The following FHL1 variants were observed in gnomAD, a reference collection of about 807,000 sequenced individuals.
FHL1 encodes four and a half LIM domains 1, also known as four and a half LIM domains protein 1.
In FHL1, 1 loss-of-function variant was observed where a neutral mutation model predicts 20.3. The ratio of observed to expected loss-of-function variants is 0.05; its 90% CI spans 0.02 to 0.23. The LOEUF (loss-of-function observed/expected upper bound fraction) is 0.23. Among genes scored for constraint, FHL1 ranks in the 10% least tolerant of loss-of-function variants. The probability of loss-of-function intolerance (pLI) is 1.00; values close to 1 mark genes in which losing one functional copy is unlikely to be tolerated. For synonymous variants in FHL1, 82 were observed against 88.9 expected (o/e 0.92, Z 0.44); for missense variants, 177 against 234.0 (o/e 0.76, Z 1.59).
In FHL1 at chrX:136,153,519, T is replaced by C. The variant is rs371953468; in HGVS notation, c.-101+5891T>C. 9.8e-5 allele frequency among the ~76,000 whole-genome samples: 11 copies of C among 112,123 alleles called. No individual in the cohort carries two copies. In the East Asian group the frequency reaches 1.7e-3, roughly 17 times the overall value. Reference sequence around the variant, plus strand: ...ATCAACCACTGTGTATAGACAGACATGCATGGTGGTACCATCTGATTTGTC... The same window carrying C: ...ATCAACCACTGTGTATAGACAGACACGCATGGTGGTACCATCTGATTTGTC... On this transcript the variant is annotated intron_variant, in intron 1 of 7. Coordinates refer to the FHL1 transcript ENST00000394155.
upstream of FHL1, among the ~76,000 whole-genome samples, chrX:136,168,852 G>T (rs2072781826): frequency 9.0e-6 from 1 of 111,566 alleles, no homozygotes; most frequent in African/African-American, 3.3e-5. Flanking sequence ...GCCTGGAAAT[G>T]GTTTGAGCAT....
At chrX:136,158,679 C>A (rs913297925) in intron 1 of FHL1, among the ~76,000 whole-genome samples, 1 of 111,404 alleles carries the variant, frequency 9.0e-6, no homozygotes, top group African/African-American at 3.3e-5. Context: ...TCGAGCTGTA[C>A]TGGAAATTGG....
At chrX:136,174,709 G>T (rs1195755922) in intron 2 of FHL1, among the ~76,000 whole-genome samples, 1 of 111,767 alleles carries the variant, frequency 8.9e-6, no homozygotes, top group East Asian at 2.8e-4. Flanking sequence ...TTTCAATACA[G>T]TATAGCACAT....
At chrX:136,168,753 A>G (rs1212995794), upstream of FHL1, among the ~76,000 whole-genome samples, 1 of 111,706 alleles carries the variant, frequency 9.0e-6, no homozygotes, top group Non-Finnish European at 1.9e-5. Flanking sequence ...AGATGAACTC[A>G]TTAGCCTAGT....
chrX:136,172,294 A>G lies in FHL1; in HGVS notation c.-27+2314A>G, dbSNP rs187247413. 3.6e-5 allele frequency among the ~76,000 whole-genome samples: 4 copies of G among 112,515 alleles called. 1 individual carries two copies. In the Admixed American group the frequency reaches 3.8e-4, roughly 11 times the overall value. On this transcript the variant is annotated intron_variant, in intron 2 of 6. Transcript: ENST00000394153. Reference sequence around the variant, plus strand: ...TTCTTTTATTCATTCATTCAGCCCTACTATGGGCCAGGGCAGGAATGTAGT... The same window carrying G: ...TTCTTTTATTCATTCATTCAGCCCTGCTATGGGCCAGGGCAGGAATGTAGT...
Position 136,210,933 on chromosome X carries a change from G to A in FHL1, c.*908G>A, listed in dbSNP as rs757871567. The A allele has an allele frequency of 1.6e-5, 6 of 380,683 alleles. No homozygotes were observed. The highest frequency in any genetic ancestry group is 7.7e-5 in the South Asian group (3 of 38,716). 31.4% of individuals were successfully genotyped at this position (380,683 alleles called of 1,213,427 possible). A position where few individuals can be genotyped will look rare whatever the true frequency, so the allele number is the denominator to read the frequency against. On this transcript the variant is annotated 3_prime_UTR_variant, in exon 6 of 6. Transcript: ENST00000370683. ...TGAAATTCATCCTACGGAAGTAACC[G>A]CAAAACTCTAGAGGGGGAGTTGAGC...
At chrX:136,188,157 C>T (rs17001856) in intron 2 of FHL1, among the ~76,000 whole-genome samples, 2,898 of 112,196 alleles carry the variant, frequency 0.026, 99 homozygotes, top group African/African-American at 0.089. Context: ...CCTTCACTCA[C>T]ACTCACCTGG....
chrX:136,209,435 G>A (rs758814784), intron 5 of FHL1: 21 of 1,210,514 alleles, frequency 1.7e-5, no homozygotes, highest in Admixed American at 6.5e-5. Context: ...GCAGCTCCTC[G>A]AGGCCCGGTA....
chrX:136,166,890 G>C (rs1353737976), upstream of FHL1: 1 of 112,347 alleles, frequency 8.9e-6, no homozygotes, highest in Non-Finnish European at 1.9e-5. Context: ...TGTGGGGGAG[G>C]CACTGCTAAA....
Position 136,211,065 on chromosome X carries a change from A to C in FHL1, c.*1040A>C. ...GCTCTTTGTCCATGTGTTAATGAGG[A>C]CTGCAAAGTCCCTTCTGTTGTGATT... On this transcript the variant is annotated 3_prime_UTR_variant, in exon 6 of 6. Coordinates refer to ENST00000370683, the MANE Select transcript of FHL1 (RefSeq NM_001159699.2). The C allele has an allele frequency of 2.7e-6, 1 of 376,385 alleles. No individual in the cohort carries two copies. 31.0% of individuals were successfully genotyped at this position (376,385 alleles called of 1,213,427 possible).
At chrX:136,192,403 A>G (rs1291186565), upstream of FHL1, among the ~76,000 whole-genome samples, 3 of 111,891 alleles carry the variant, frequency 2.7e-5, no homozygotes, top group African/African-American at 6.5e-5. Flanking sequence ...TGATCATGAC[A>G]TTACCAAAAA....
intron 1 of FHL1, among the ~76,000 whole-genome samples, chrX:136,201,621 A>G (rs2073712235): frequency 9.0e-6 from 1 of 110,755 alleles, no homozygotes; most frequent in Admixed American, 9.6e-5. Context: ...GCTGCAACCA[A>G]TTATTATTTT....
chrX:136,211,174 C>T lies in FHL1; in HGVS notation c.*1149C>T, dbSNP rs2074003568. 8.1e-6 allele frequency: 3 copies of T among 368,549 alleles called. No individual in the cohort carries two copies. Among genetic ancestry groups the T allele is most frequent in the Non-Finnish European group, 1.0e-5 (2 of 193,631 alleles). The allele number at this position is 368,549 out of a possible 1,213,427, so 30.4% of individuals were successfully genotyped here. ...AGGATCACCTACTTACTGTATTCTA[C>T]ATTATTATATGACATAGTATAATGA... On this transcript the variant is annotated 3_prime_UTR_variant, in exon 6 of 6. Coordinates refer to ENST00000370683, the MANE Select transcript of FHL1 (RefSeq NM_001159699.2).
intron 1 of FHL1, among the ~76,000 whole-genome samples, chrX:136,151,572 G>A (rs2072265422): frequency 8.9e-6 from 1 of 111,876 alleles, no homozygotes; most frequent in Non-Finnish European, 1.9e-5. Context: ...AATTAGCCGG[G>A]TGTGGTGGTG....
intron 1 of FHL1, among the ~76,000 whole-genome samples, chrX:136,198,195 C>T (rs894196409): frequency 2.8e-5 from 3 of 108,910 alleles, no homozygotes; most frequent in Non-Finnish European, 3.8e-5. Context: ...AAACATGGTA[C>T]CAAATGCTTG....
chrX:136,201,636 A>C (rs1052847050), intron 1 of FHL1, among the ~76,000 whole-genome samples: 1 of 110,858 alleles, frequency 9.0e-6, no homozygotes, highest in East Asian at 2.9e-4. Flanking sequence ...TATTTTAGCG[A>C]GAGATAGTTT....
intron 2 of FHL1, among the ~76,000 whole-genome samples, chrX:136,183,572 G>A (rs2073218031): frequency 8.9e-6 from 1 of 112,005 alleles, no homozygotes; most frequent in Non-Finnish European, 1.9e-5. Context: ...TTAACATTAA[G>A]CTTTCAAATC....
chrX:136,192,784 A>G (rs1206382012), upstream of FHL1, among the ~76,000 whole-genome samples: 1 of 111,712 alleles, frequency 9.0e-6, no homozygotes, highest in African/African-American at 3.3e-5. Context: ...GCAAAATTGG[A>G]CGTGTCAGTA....
At chrX:136,185,986 A>AT (rs961636765) in intron 2 of FHL1, among the ~76,000 whole-genome samples, 3 of 111,146 alleles carry the variant, frequency 2.7e-5, no homozygotes, top group South Asian at 3.9e-4. Context: ...GCCACCTTTC[A>AT]TTTTTTTTAA....
Sources: allele counts gnomAD v4.1 joint callset (sites outside exome capture counted in the v4.1 genomes callset), GRCh38; gene constraint gnomAD v4.1.1; transcripts MANE v1.5; gene names NCBI Gene and HGNC (gene_info 2026-07-23, HGNC 2026-07-21).